The following DNAH11 variants were observed in gnomAD, a reference collection of about 807,000 sequenced individuals.
DNAH11 encodes the protein dynein axonemal heavy chain 11.
In DNAH11, 442 loss-of-function variants were observed where a neutral mutation model predicts 526.0. The ratio of observed to expected loss-of-function variants is 0.84; its 90% CI spans 0.78 to 0.91. The LOEUF (loss-of-function observed/expected upper bound fraction) is 0.91, where lower values mean the gene tolerates loss of function less well. Ranked by LOEUF, DNAH11 falls within the 40% of genes least tolerant of loss-of-function variation. DNAH11 has a pLI of 0.00. For missense variants in DNAH11, 6,989 were observed against 5,448.7 expected (o/e 1.28, Z -8.90); for synonymous variants, 2,461 against 1,935.9 (o/e 1.27, Z -7.12).
intron 66 of DNAH11, among the ~76,000 whole-genome samples, chr7:21,846,139 T>C (rs796591673): frequency 2.5e-4 from 38 of 152,316 alleles, no homozygotes; most frequent in African/African-American, 8.9e-4. Flanking sequence ...GTTCATACTT[T>C]GGGATTTTCC....
At chr7:21,681,928 A>T (rs1311593082) in intron 31 of DNAH11, among the ~76,000 whole-genome samples, 2 of 152,214 alleles carry the variant, frequency 1.3e-5, no homozygotes, top group African/African-American at 4.8e-5. Context: ...AAAAAATTTT[A>T]TCACAGTGGA....
intron 56 of DNAH11, among the ~76,000 whole-genome samples, chr7:21,777,894 G>A (rs578046862): frequency 2.6e-4 from 39 of 152,312 alleles, no homozygotes; most frequent in African/African-American, 7.2e-4. Context: ...GTAATGGGGC[G>A]TCGTTCCACA....
intron 9 of DNAH11, 111 bp downstream of exon 9, chr7:21,582,132 AT>A: frequency 1.5e-6 from 1 of 658,108 alleles, no homozygotes; most frequent in Non-Finnish European, 2.6e-6. Context: ...TTAACTAGTC[AT>A]ATTCCCTTCA....
At chr7:21,605,023 C>G (rs1785229993) in intron 18 of DNAH11, among the ~76,000 whole-genome samples, 1 of 152,328 alleles carries the variant, frequency 6.6e-6, no homozygotes, top group Non-Finnish European at 1.5e-5. Context: ...TTCCATAACA[C>G]ATAGACCTCC....
In DNAH11 at chr7:21,563,065, A is replaced by T. The variant is rs188528141; in HGVS notation, c.983-1121A>T. On this transcript the variant is annotated intron_variant, in intron 5 of 81. Coordinates refer to ENST00000409508, the MANE Select transcript of DNAH11 (RefSeq NM_001277115.2). ...TTTGTAGCCTTGGGAGCAAAATGGA[A>T]TCTCATGGAGATCCATTTAGGGTAT... Among the ~76,000 whole-genome samples the T allele has an allele frequency of 2.6e-5, 4 of 152,304 alleles. No individual in the cohort carries two copies. In the East Asian group the frequency reaches 7.7e-4, roughly 29 times the overall value.
rs575975834 is a variant in DNAH11, at chr7:21,695,799, C to T, written c.6042-2276C>T. 1.2e-3 allele frequency among the ~76,000 whole-genome samples: 176 copies of T among 152,230 alleles called. 1 individual carries two copies. Among genetic ancestry groups the T allele is most frequent in the Non-Finnish European group, 2.0e-3 (136 of 68,004 alleles). On this transcript the variant is annotated intron_variant, in intron 35 of 81. Coordinates refer to ENST00000409508, the MANE Select transcript of DNAH11 (RefSeq NM_001277115.2). Reference sequence around the variant, plus strand: ...CAAAAGAAACTGTCATCAGAGTGAACAAGCAACCTACAGAATGGGAGAAAA... The same window carrying T: ...CAAAAGAAACTGTCATCAGAGTGAATAAGCAACCTACAGAATGGGAGAAAA...
At chr7:21,793,228 G>A (rs1468229982) in intron 61 of DNAH11, among the ~76,000 whole-genome samples, 2 of 152,142 alleles carry the variant, frequency 1.3e-5, no homozygotes, top group African/African-American at 4.8e-5. Flanking sequence ...ATCAGAAAAG[G>A]TACTTGATAT....
At chr7:21,656,640 G>A (rs1392017368) in intron 29 of DNAH11, among the ~76,000 whole-genome samples, 1 of 152,132 alleles carries the variant, frequency 6.6e-6, no homozygotes, top group Admixed American at 6.6e-5. Flanking sequence ...TTTTTATGAT[G>A]GAGCTTGCGT....
At chr7:21,670,331 G>C (rs1782594477) in intron 30 of DNAH11, among the ~76,000 whole-genome samples, 1 of 151,802 alleles carries the variant, frequency 6.6e-6, no homozygotes, top group Admixed American at 6.6e-5. Context: ...ATTTCCCAGT[G>C]TTTTTGGCTG....
rs869151131 is a variant in DNAH11, at chr7:21,827,949, A to AT, written c.10691+9621dup. On this transcript the variant is annotated intron_variant, in intron 65 of 81. Transcript: ENST00000409508. ...TGGAAGCTTACGGATTTTTTTTTTA[A>AT]TTTTTTTTTTTCTTTTTGAGACAGA... 1.2e-3 allele frequency among the ~76,000 whole-genome samples: 181 copies of AT among 147,048 alleles called. 1 individual carries two copies. Among genetic ancestry groups the AT allele is most frequent in the Middle Eastern group, 3.6e-3 (1 of 280 alleles).
At chr7:21,738,644 A>G in intron 46 of DNAH11, 57 bp from the exon 47 acceptor site, 1 of 1,477,822 alleles carries the variant, frequency 6.8e-7, no homozygotes, top group East Asian at 2.5e-5. Flanking sequence ...GAGAAAAATG[A>G]CTAAATGAAC....
chr7:21,589,906 A>G (rs1784614203), intron 12 of DNAH11, among the ~76,000 whole-genome samples: 1 of 152,200 alleles, frequency 6.6e-6, no homozygotes, highest in Admixed American at 6.5e-5. Context: ...GTAGATTTTA[A>G]TTTATTGTCA....
intron 46 of DNAH11, among the ~76,000 whole-genome samples, chr7:21,738,394 G>A (rs1251330904): frequency 2.6e-5 from 4 of 152,180 alleles, no homozygotes; most frequent in African/African-American, 9.7e-5. Context: ...TACGGGGGAG[G>A]AAGTACGCAG....
rs1785075814 is a variant in DNAH11, at chr7:21,601,332, T to TTA, written c.3426-61_3426-60dup. ...TGAAAATAAGATTCAATCAGAAGTC[T>TTA]TATACTGCTAAATGTTTTAATAAAC... On this transcript the variant is annotated intron_variant, in intron 17 of 81. Coordinates refer to ENST00000409508, the MANE Select transcript of DNAH11 (RefSeq NM_001277115.2). 2.0e-6 allele frequency: 3 copies of TTA among 1,510,230 alleles called. No homozygotes were observed. In the African/African-American group the frequency reaches 4.2e-5, roughly 21 times the overall value. 93.6% of individuals were successfully genotyped at this position (1,510,230 alleles called of 1,614,324 possible).
intron 65 of DNAH11, among the ~76,000 whole-genome samples, chr7:21,833,252 G>A (rs1781858162): frequency 6.6e-6 from 1 of 152,174 alleles, no homozygotes; most frequent in Admixed American, 6.5e-5. Flanking sequence ...CATGAAGTAT[G>A]AACATAAACC....
Position 21,544,990 on chromosome 7 carries a change from C to T in DNAH11, c.352-16C>T. The T allele has an allele frequency of 6.4e-7, 1 of 1,560,350 alleles. No individual in the cohort carries two copies. The highest frequency in any genetic ancestry group is 8.7e-7 in the Non-Finnish European group (1 of 1,151,800). On this transcript the variant is annotated splice_polypyrimidine_tract_variant and intron_variant, in intron 1 of 81. Transcript: ENST00000409508. The stretch of plus-strand genomic sequence containing the variant: ...CAAGAAAACTACTTGAACTAATTAT[C>T]TTGCTCTTGTTTTAGATTCCAAGAG...
At position 21,698,343 on chromosome 7, in the gene DNAH11, AAT is replaced by A. The variant is rs1447904310; in HGVS notation, c.6180+132_6180+133del. 6.8e-6 allele frequency: 9 copies of A among 1,316,476 alleles called. No homozygotes were observed. In the African/African-American group the frequency reaches 1.2e-4, roughly 18 times the overall value. 81.5% of individuals were successfully genotyped at this position (1,316,476 alleles called of 1,614,324 possible). ...AATTTTTTTGTACTTAAAAAAATTCAATAGTTTGGGGGAACAGGTGTTTTTTG... is the reference window on the plus strand; with the variant it reads ...AATTTTTTTGTACTTAAAAAAATTCAAGTTTGGGGGAACAGGTGTTTTTTG... On this transcript the variant is annotated intron_variant, in intron 36 of 81. Transcript: ENST00000409508.
chr7:21,703,129 G>A (rs1208785287), intron 37 of DNAH11, among the ~76,000 whole-genome samples: 2 of 152,140 alleles, frequency 1.3e-5, no homozygotes, highest in East Asian at 3.9e-4. Context: ...TGATTGAATT[G>A]GGATATTAAT....
chr7:21,626,451 T>C (rs1220302755), intron 25 of DNAH11, among the ~76,000 whole-genome samples: 2 of 152,150 alleles, frequency 1.3e-5, no homozygotes, highest in African/African-American at 4.8e-5. Flanking sequence ...ACATACTGAT[T>C]TTCTTTCTTT....
Sources: allele counts gnomAD v4.1 joint callset (sites outside exome capture counted in the v4.1 genomes callset), GRCh38; gene constraint gnomAD v4.1.1; transcripts MANE v1.5; gene names NCBI Gene and HGNC (gene_info 2026-07-23, HGNC 2026-07-21).